The following GPC3 variants were observed in gnomAD, a reference collection of about 807,000 sequenced individuals.
GPC3 encodes the protein glypican-3.
GPC3 carries 3 observed loss-of-function variants against 34.4 expected under a neutral mutation model. That is an observed-to-expected ratio of 0.09 (90% CI 0.04 to 0.23). The LOEUF is 0.23. GPC3 is among the 10% of genes least tolerant of loss of function. The pLI is 1.00. For missense variants in GPC3, 351 were observed against 445.6 expected (o/e 0.79, Z 1.91); for synonymous variants, 177 against 174.0 (o/e 1.02, Z -0.13).
At chrX:133,619,291 T>C (rs1302167338) in intron 6 of GPC3, among the ~76,000 whole-genome samples, 2 of 112,326 alleles carry the variant, frequency 1.8e-5, no homozygotes, top group Non-Finnish European at 3.8e-5. Flanking sequence ...TTCAATCAGA[T>C]AAACATAAAA....
intron 2 of GPC3, among the ~76,000 whole-genome samples, chrX:133,793,940 C>T (rs1192071629): frequency 9.0e-6 from 1 of 111,562 alleles, no homozygotes; most frequent in Non-Finnish European, 1.9e-5. Context: ...GTTGGGCCCC[C>T]TGATAGTGCC....
At chrX:133,612,444 G>A (rs150254571) in intron 6 of GPC3, among the ~76,000 whole-genome samples, 3 of 111,584 alleles carry the variant, frequency 2.7e-5, no homozygotes, top group Admixed American at 1.9e-4. Context: ...CTCTCTCTCC[G>A]TCCTTGTAAT....
At position 133,719,271 on chromosome X, in the gene GPC3, A is replaced by C. The variant is rs180801945; in HGVS notation, c.1033-19243T>G. Among the ~76,000 whole-genome samples the C allele has an allele frequency of 3.6e-5, 4 of 112,354 alleles. No individual in the cohort carries two copies. The Admixed American group carries it at 3.8e-4, about 11-fold the overall frequency. The stretch of plus-strand genomic sequence containing the variant: ...TGGAATAAAATTAGAAAACAATAAC[A>C]GAAGAAAATTTGGGAAATTCACAAA... On this transcript the variant is annotated intron_variant, in intron 3 of 7. Coordinates refer to ENST00000370818, the MANE Select transcript of GPC3 (RefSeq NM_004484.4).
At chrX:133,767,114 T>C (rs567294878) in intron 2 of GPC3, among the ~76,000 whole-genome samples, 3 of 112,244 alleles carry the variant, frequency 2.7e-5, no homozygotes, top group South Asian at 3.7e-4. Flanking sequence ...CTTCCAGATA[T>C]AGGTAGTTTG....
intron 6 of GPC3, among the ~76,000 whole-genome samples, chrX:133,644,428 A>G (rs894769693): frequency 8.9e-5 from 10 of 112,211 alleles, no homozygotes; most frequent in African/African-American, 2.3e-4. Flanking sequence ...AATGGTAGCT[A>G]ACTATAATTA....
In GPC3 at chrX:133,570,093, G is replaced by T. The variant is rs183851259; in HGVS notation, c.1573+26347C>A. Among the ~76,000 whole-genome samples, 5 of 110,791 alleles carry T rather than the reference G, an allele frequency of 4.5e-5. No homozygotes were observed. The East Asian group carries it at 1.4e-3, about 32-fold the overall frequency. On this transcript the variant is annotated intron_variant, in intron 7 of 7. Coordinates refer to ENST00000370818, the MANE Select transcript of GPC3 (RefSeq NM_004484.4). ...TTTTTAGTAGAGACGGGGTTTCACC[G>T]TGTTAGTCAGGATGGTCTCGATCTC...
intron 1 of GPC3, among the ~76,000 whole-genome samples, chrX:133,983,803 T>G (rs950109001): frequency 8.9e-6 from 1 of 111,863 alleles, no homozygotes; most frequent in African/African-American, 3.2e-5. Context: ...CCCTTACAGC[T>G]CCTGCACATG....
At chrX:133,954,738 C>CA (rs2076408792) in intron 1 of GPC3, among the ~76,000 whole-genome samples, 1 of 53,786 alleles carries the variant, frequency 1.9e-5, no homozygotes, top group Non-Finnish European at 3.2e-5. Flanking sequence ...CAAACTTTCT[C>CA]TTTTTTTTTT....
At chrX:133,670,041 G>A (rs2070811905) in intron 5 of GPC3, among the ~76,000 whole-genome samples, 1 of 111,882 alleles carries the variant, frequency 8.9e-6, no homozygotes, top group South Asian at 3.8e-4. Context: ...ATTAAAACAG[G>A]ACATCTGGGC....
At chrX:133,826,047 G>T (rs1284844971) in intron 2 of GPC3, among the ~76,000 whole-genome samples, 1 of 111,652 alleles carries the variant, frequency 9.0e-6, no homozygotes, top group Non-Finnish European at 1.9e-5. Flanking sequence ...AAACACTGGG[G>T]AAGGGAAAGA....
At chrX:133,869,321 AG>A (rs1281931655) in intron 2 of GPC3, among the ~76,000 whole-genome samples, 1 of 112,248 alleles carries the variant, frequency 8.9e-6, no homozygotes, top group East Asian at 2.8e-4. Flanking sequence ...GGAAGAACAC[AG>A]GGGTTTTGGA....
At chrX:133,765,104 C>A (rs1315231288) in intron 2 of GPC3, among the ~76,000 whole-genome samples, 2 of 111,630 alleles carry the variant, frequency 1.8e-5, no homozygotes, top group Non-Finnish European at 3.8e-5. Flanking sequence ...CCAGGACTCA[C>A]CAAATCATTC....
rs1246877408 is a variant in GPC3 at position 133,803,070 on chromosome X, G to A, written c.338-48894C>T. ...GCCTCCTGAGTAGCTGGGATTACAGGCATGCGCCACCACACCCAGCTAATT... is the reference window on the plus strand; with the variant it reads ...GCCTCCTGAGTAGCTGGGATTACAGACATGCGCCACCACACCCAGCTAATT... On this transcript the variant is annotated intron_variant, in intron 2 of 7. Transcript: ENST00000370818. 2.8e-5 allele frequency among the ~76,000 whole-genome samples: 3 copies of A among 108,815 alleles called. No homozygotes were observed. The Admixed American group carries it at 2.9e-4, about 11-fold the overall frequency. The allele number at this position is 108,815 out of a possible 115,157, so 94.5% of individuals were successfully genotyped here.
chrX:133,920,731 T>G (rs1387258960), intron 2 of GPC3, among the ~76,000 whole-genome samples: 1 of 112,304 alleles, frequency 8.9e-6, no homozygotes, highest in Non-Finnish European at 1.9e-5. Context: ...AAAACAGAGC[T>G]AATCACTGTT....
At chrX:133,796,797 T>C (rs1475506224) in intron 2 of GPC3, among the ~76,000 whole-genome samples, 1 of 111,744 alleles carries the variant, frequency 8.9e-6, no homozygotes, top group Non-Finnish European at 1.9e-5. Flanking sequence ...ACAGTTAAAC[T>C]AACTCAACTT....
intron 2 of GPC3, among the ~76,000 whole-genome samples, chrX:133,846,074 A>C (rs2075845958): frequency 8.9e-6 from 1 of 112,137 alleles, no homozygotes; most frequent in African/African-American, 3.2e-5. Flanking sequence ...CCATAGCTAG[A>C]GTGAAATGAA....
chrX:133,773,052 T>A (rs1341693565), intron 2 of GPC3, among the ~76,000 whole-genome samples: 1 of 110,807 alleles, frequency 9.0e-6, no homozygotes, highest in Non-Finnish European at 1.9e-5. Context: ...AGAAAATTTT[T>A]ATTTTTATTA....
intron 2 of GPC3, among the ~76,000 whole-genome samples, chrX:133,767,488 C>T (rs956090052): frequency 8.9e-6 from 1 of 111,855 alleles, no homozygotes; most frequent in Non-Finnish European, 1.9e-5. Context: ...TGCAAAAAGG[C>T]CAGGCTCTCC....
At chrX:133,964,985 A>C (rs1361685362) in intron 1 of GPC3, among the ~76,000 whole-genome samples, 3 of 111,705 alleles carry the variant, frequency 2.7e-5, no homozygotes, top group Admixed American at 9.5e-5. Flanking sequence ...ACCATTTAAA[A>C]AATGAGTTAA....
Sources: allele counts gnomAD v4.1 joint callset (sites outside exome capture counted in the v4.1 genomes callset), GRCh38; gene constraint gnomAD v4.1.1; transcripts MANE v1.5; gene names NCBI Gene and HGNC (gene_info 2026-07-23, HGNC 2026-07-21).